KNL1: variants seen among roughly 807,000 people sequenced by gnomAD.
KNL1 encodes the protein outer kinetochore KNL1 complex subunit KNL1.
Under a neutral mutation model 201.3 loss-of-function variants are expected in KNL1, and 66 were observed. The ratio of observed to expected loss-of-function variants is 0.33; its 90% CI spans 0.27 to 0.40. The LOEUF (loss-of-function observed/expected upper bound fraction) is 0.40. Among genes scored for constraint, KNL1 ranks in the 10% least tolerant of loss-of-function variants. KNL1 has a pLI of 1.00. For missense variants in KNL1, 2,815 were observed against 2,690.5 expected, an observed-to-expected ratio of 1.05 and a Z score of -1.02; for synonymous variants, 895 against 899.2, an observed-to-expected ratio of 1.00 and a Z score of 0.08.
intron 13 of KNL1, among the ~76,000 whole-genome samples, chr15:40,639,930 C>T (rs1227473191): frequency 6.6e-6 from 1 of 151,958 alleles, no homozygotes; most frequent in African/African-American, 2.4e-5. Context: ...TTAAAATTAG[C>T]CAGGCGTGGT....
intron 13 of KNL1, among the ~76,000 whole-genome samples, chr15:40,639,829 C>T (rs907783407): frequency 1.3e-5 from 2 of 151,182 alleles, no homozygotes; most frequent in Admixed American, 6.6e-5. Flanking sequence ...AATCCCAGTG[C>T]TTTGGGAGGT....
intron 8 of KNL1, chr15:40,615,719 C>T (rs1287741557): frequency 7.9e-5 from 12 of 151,888 alleles, no homozygotes; most frequent in East Asian, 4.0e-4. Context: ...GAGCTGAGAT[C>T]GCGCCACTGC....
rs1396704134 is a variant in KNL1, at chr15:40,625,409, T to C, written c.5145T>C (p.Asn1715=). ...LSPSQYINEE[N]LPVYPDEINS... ...CTTCTCAATATATAAATGAGGAAAA[T>C]CTTCCTGTATATCCTGATGAGATCA... The change falls in exon 10 of 26, where the codon AAT becomes AAC. Residue 1715 remains asparagine, a synonymous_variant. Transcript: ENST00000399668. 1.2e-6 allele frequency: 2 copies of C among 1,613,638 alleles called. No homozygotes were observed. Among genetic ancestry groups the C allele is most frequent in the East Asian group, 2.2e-5 (1 of 44,874 alleles).
chr15:40,620,558 T>A, intron 9 of KNL1, 82 bp from the exon 10 acceptor site: 1 of 818,866 alleles, frequency 1.2e-6, no homozygotes, highest in Non-Finnish European at 1.8e-6. Flanking sequence ...TCACTGAGGA[T>A]TTTTTATATA....
intron 7 of KNL1, among the ~76,000 whole-genome samples, chr15:40,613,937 A>G (rs2141710099): frequency 6.6e-6 from 1 of 151,768 alleles, no homozygotes; most frequent in South Asian, 2.1e-4. Flanking sequence ...AGCTGGGACT[A>G]CAGGCGCCTG....
chr15:40,633,878 A>G (rs1336333139), intron 13 of KNL1, among the ~76,000 whole-genome samples: 1 of 152,126 alleles, frequency 6.6e-6, no homozygotes, highest in East Asian at 1.9e-4. Context: ...TATAAATAAA[A>G]CAAGTTAACT....
intron 13 of KNL1, among the ~76,000 whole-genome samples, chr15:40,637,368 G>GTTT (rs71426393): frequency 2.0e-4 from 27 of 138,436 alleles, no homozygotes; most frequent in African/African-American, 3.6e-4. Flanking sequence ...GATTAACAGC[G>GTTT]TTTTTTTTTT....
In KNL1 at chr15:40,655,629, T is replaced by C. The variant is rs551038907; in HGVS notation, c.6484+652T>C. Among the ~76,000 whole-genome samples, 4 of 145,264 alleles carry C rather than the reference T, an allele frequency of 2.8e-5. No individual in the cohort carries two copies. In the East Asian group the frequency reaches 8.2e-4, roughly 30 times the overall value. Reference sequence around the variant, plus strand: ...AAAAAAAAGATTTAAAAAAAATTATTACATGCCGGGCATGGTGGCTCACGC... The same window carrying C: ...AAAAAAAAGATTTAAAAAAAATTATCACATGCCGGGCATGGTGGCTCACGC... On this transcript the variant is annotated intron_variant, in intron 22 of 25. Coordinates refer to ENST00000399668, the MANE Select transcript of KNL1 (RefSeq NM_144508.5).
At chr15:40,649,607 T>TA (rs1266033118) in intron 17 of KNL1, among the ~76,000 whole-genome samples, 137 of 136,846 alleles carry the variant, frequency 1.0e-3, no homozygotes, top group African/African-American at 1.5e-3. Flanking sequence ...TTCTTTTATT[T>TA]AAAAAAAAAA....
intron 9 of KNL1, among the ~76,000 whole-genome samples, chr15:40,619,745 C>A (rs1892454377): frequency 6.6e-6 from 1 of 152,032 alleles, no homozygotes; most frequent in South Asian, 2.1e-4. Flanking sequence ...TTATGTCTTT[C>A]CTAGACTTTT....
At chr15:40,656,266 A>C (rs954743205) in intron 22 of KNL1, among the ~76,000 whole-genome samples, 16 of 151,882 alleles carry the variant, frequency 1.1e-4, no homozygotes, top group African/African-American at 3.9e-4. Context: ...CCCTGTCTCT[A>C]CTAAAAATAC....
chr15:40,659,434 C>G lies in KNL1; in HGVS notation c.6809C>G (p.Thr2270Ser). 1 of 1,613,814 alleles carries G rather than the reference C, an allele frequency of 6.2e-7. No individual in the cohort carries two copies. Among genetic ancestry groups the G allele is most frequent in the Non-Finnish European group, 8.5e-7 (1 of 1,179,778 alleles). Residue 2270 changes from threonine (T) to serine (S), a missense_variant, in exon 25 of 26, where the codon ACC becomes AGC. By Grantham distance (58) the Thr-to-Ser change is moderately conservative. This residue lies in a region of KNL1 where 334 missense variants were observed against 362.6 expected (regional missense o/e 0.92). Coordinates refer to ENST00000399668, the MANE Select transcript of KNL1 (RefSeq NM_144508.5). ...TATCCATCTGTACCATTACCTTCCACCATTCAGAATCACGTTGGGAACACT... is the reference window on the plus strand; with the variant it reads ...TATCCATCTGTACCATTACCTTCCAGCATTCAGAATCACGTTGGGAACACT... ...AYYPSVPLPS[T>S]IQNHVGNTSQ...
In KNL1 at chr15:40,652,791, A is replaced by T. The variant is rs149205595; in HGVS notation, c.6415+686A>T. Among the ~76,000 whole-genome samples, 13 of 150,102 alleles carry T rather than the reference A, an allele frequency of 8.7e-5. No homozygotes were observed. The East Asian group carries it at 2.5e-3, about 29-fold the overall frequency. On this transcript the variant is annotated intron_variant, in intron 21 of 25. Coordinates refer to ENST00000399668, the MANE Select transcript of KNL1 (RefSeq NM_144508.5). ...AAAAAAAAAAAAAGAATGAGGCCCT[A>T]ACAAGTTAATTGGAAGTTCTGTGTG...
At chr15:40,605,080 T>C (rs781330770) in intron 2 of KNL1, 30 bp from the exon 3 acceptor site, 3 of 1,160,264 alleles carry the variant, frequency 2.6e-6, no homozygotes, top group Middle Eastern at 2.1e-4. Flanking sequence ...TTTAAATCAC[T>C]GTGTATATAA....
intron 1 of KNL1, among the ~76,000 whole-genome samples, chr15:40,595,278 A>G (rs1321375788): frequency 6.6e-6 from 1 of 152,234 alleles, no homozygotes; most frequent in East Asian, 1.9e-4. Context: ...ATACACAAAT[A>G]ACTAGAATAC....
At position 40,621,527 on chromosome 15, in the gene KNL1, T is replaced by C; in HGVS notation, c.1263T>C (p.Ser421=). 6.2e-7 allele frequency: 1 copy of C among 1,612,920 alleles called. No homozygotes were observed. Among genetic ancestry groups the C allele is most frequent in the Non-Finnish European group, 8.5e-7 (1 of 1,179,476 alleles). ...CAGAATCTATATATTCTAATCCATC[T>C]ATTCAAGGTTGTAAGACTGTTTTCT... ...MTPESIYSNP[S]IQGCKTVFYS... The change falls in exon 10 of 26, where the codon TCT becomes TCC. Residue 421 remains serine, a synonymous_variant. Coordinates refer to ENST00000399668, the MANE Select transcript of KNL1 (RefSeq NM_144508.5).
chr15:40,621,924 C>T lies in KNL1; in HGVS notation c.1660C>T (p.Pro554Ser), dbSNP rs1325179180. The part of the protein sequence containing the change: ...KERIQQSLSN[P>S]LSISLTDRKT... ...AAGAATACAGCAGAGCCTGTCAAAT[C>T]CTTTGTCTATTTCATTGACTGATAG... Residue 554 changes from proline to serine, a missense_variant, in exon 10 of 26, where the codon CCT (proline) becomes TCT (serine). Coordinates refer to ENST00000399668, the MANE Select transcript of KNL1 (RefSeq NM_144508.5). 1.9e-6 allele frequency: 3 copies of T among 1,613,584 alleles called. No individual in the cohort carries two copies. The highest frequency in any genetic ancestry group is 1.7e-5 in the Admixed American group (1 of 59,942).
At chr15:40,648,920 C>T (rs758361999) in intron 17 of KNL1, among the ~76,000 whole-genome samples, 8 of 151,314 alleles carry the variant, frequency 5.3e-5, no homozygotes, top group Non-Finnish European at 1.2e-4. Context: ...ACCTCCGCCT[C>T]CCAGATTCAA....
In KNL1 at chr15:40,661,577, A is replaced by G. The variant is rs1893910090; in HGVS notation, c.6837-497A>G. ...TATGACCAACAAAAGTAGCTAGGTT[A>G]AGATACTTCACAATTACATATAGAA... On this transcript the variant is annotated intron_variant, in intron 25 of 25. Coordinates refer to ENST00000399668, the MANE Select transcript of KNL1 (RefSeq NM_144508.5). Among the ~76,000 whole-genome samples the G allele has an allele frequency of 2.0e-5, 3 of 152,350 alleles. No homozygotes were observed. The South Asian group carries it at 6.2e-4, about 32-fold the overall frequency.
Sources: allele counts gnomAD v4.1 joint callset (sites outside exome capture counted in the v4.1 genomes callset), GRCh38; gene constraint gnomAD v4.1.1; regional missense constraint gnomAD v4.1.1; transcripts MANE v1.5; gene names NCBI Gene and HGNC (gene_info 2026-07-23, HGNC 2026-07-21).